Variants in EDA observed in about 807,000 individuals in gnomAD.
EDA encodes the protein ectodysplasin-A.
A neutral mutation model predicts 23.6 loss-of-function variants in EDA; 2 were observed. The ratio of observed to expected loss-of-function variants is 0.08; its 90% CI spans 0.03 to 0.27. The LOEUF (loss-of-function observed/expected upper bound fraction) is 0.27. Ranked by LOEUF, EDA falls within the 10% of genes least tolerant of loss-of-function variation. The pLI, the probability that EDA is intolerant of heterozygous loss-of-function variation, is 1.00. For synonymous variants in EDA, 131 were observed against 132.0 expected (o/e 0.99, Z 0.05); for missense variants, 229 against 324.2 (o/e 0.71, Z 2.26).
At chrX:69,696,823 G>C (rs1488780610) in intron 1 of EDA, among the ~76,000 whole-genome samples, 1 of 112,309 alleles carries the variant, frequency 8.9e-6, no homozygotes, top group African/African-American at 3.2e-5. Context: ...TACCTATACT[G>C]TTTGAAAACA....
chrX:69,871,059 T>G (rs1428673211), intron 1 of EDA, among the ~76,000 whole-genome samples: 2 of 111,840 alleles, frequency 1.8e-5, no homozygotes, highest in Non-Finnish European at 1.9e-5. Flanking sequence ...ATTGAGCTCC[T>G]TGCCTCTCAT....
intron 2 of EDA, among the ~76,000 whole-genome samples, chrX:70,018,060 T>C (rs931993368): frequency 9.0e-6 from 1 of 110,920 alleles, no homozygotes; most frequent in Non-Finnish European, 1.9e-5. Context: ...ACCAGCAACA[T>C]CCAAGCTGAG....
chrX:69,799,457 C>A (rs1316755688), intron 1 of EDA, among the ~76,000 whole-genome samples: 1 of 110,630 alleles, frequency 9.0e-6, no homozygotes, highest in African/African-American at 3.3e-5. Context: ...CATTGTCAAT[C>A]TGACAATGGA....
intron 1 of EDA, among the ~76,000 whole-genome samples, chrX:69,856,254 G>GGTGGGTGTGTGT (rs1384466036): frequency 2.7e-5 from 2 of 74,952 alleles, no homozygotes; most frequent in African/African-American, 1.0e-4. Context: ...AGTATTCCAT[G>GGTGGGTGTGTGT]GTGTGTGTGT....
At chrX:69,945,765 C>T (rs1165231752) in intron 1 of EDA, among the ~76,000 whole-genome samples, 1 of 111,863 alleles carries the variant, frequency 8.9e-6, no homozygotes, top group Non-Finnish European at 1.9e-5. Flanking sequence ...TTCATGGTCA[C>T]AAGCAAGAGT....
At chrX:69,742,775 C>T (rs1367988837) in intron 1 of EDA, among the ~76,000 whole-genome samples, 1 of 110,825 alleles carries the variant, frequency 9.0e-6, no homozygotes, top group Non-Finnish European at 1.9e-5. Context: ...CTGGATAGTA[C>T]TTCTATGCAG....
chrX:70,028,163 C>G (rs764614211), intron 4 of EDA, 127 bp downstream of exon 4: 30 of 1,072,170 alleles, frequency 2.8e-5, no homozygotes, highest in Non-Finnish European at 3.4e-5. Context: ...GGATGCAGAT[C>G]TCCTAGCCCA....
At chrX:69,763,322 T>G (rs903979591) in intron 1 of EDA, among the ~76,000 whole-genome samples, 3 of 112,035 alleles carry the variant, frequency 2.7e-5, no homozygotes, top group Non-Finnish European at 5.6e-5. Context: ...CTTTTCCTTC[T>G]TTTTGCTTTT....
At chrX:69,726,186 T>C (rs1015062419) in intron 1 of EDA, among the ~76,000 whole-genome samples, 2 of 111,987 alleles carry the variant, frequency 1.8e-5, no homozygotes, top group Non-Finnish European at 3.8e-5. Context: ...TTATAAGTGG[T>C]ACAAGGCAAA....
chrX:69,761,402 ACT>A (rs2014304062), intron 1 of EDA, among the ~76,000 whole-genome samples: 1 of 111,917 alleles, frequency 8.9e-6, no homozygotes, highest in Non-Finnish European at 1.9e-5. Flanking sequence ...TTTATGAAGT[ACT>A]TTTACATACA....
chrX:69,680,138 A>G (rs1934279353), intron 1 of EDA, among the ~76,000 whole-genome samples: 1 of 106,628 alleles, frequency 9.4e-6, no homozygotes, highest in Non-Finnish European at 1.9e-5. Flanking sequence ...GTTTTGAGTG[A>G]GTTTCTGAAT....
intron 1 of EDA, among the ~76,000 whole-genome samples, chrX:69,775,540 T>A (rs1179869946): frequency 9.0e-6 from 1 of 111,651 alleles, no homozygotes; most frequent in African/African-American, 3.2e-5. Context: ...TCTGGAAATG[T>A]TCCCATATTC....
At chrX:69,826,931 A>G (rs1316050226) in intron 1 of EDA, among the ~76,000 whole-genome samples, 1 of 111,941 alleles carries the variant, frequency 8.9e-6, no homozygotes, top group Non-Finnish European at 1.9e-5. Flanking sequence ...CTTTTCTGTA[A>G]AGTATTTTAT....
chrX:69,769,607 C>G lies in EDA; in HGVS notation c.396+152903C>G, dbSNP rs144619914. Among the ~76,000 whole-genome samples, 3 of 110,559 alleles carry G rather than the reference C, an allele frequency of 2.7e-5. No individual in the cohort carries two copies. The East Asian group carries it at 8.5e-4, about 31-fold the overall frequency. On this transcript the variant is annotated intron_variant, in intron 1 of 7. Coordinates refer to ENST00000374552, the MANE Select transcript of EDA (RefSeq NM_001399.5). ...TCTTTGTTCCCTTTTTCTTCTTTTC[C>G]TGACTTCTTTTTGATTAAGTATCAT...
chrX:69,966,668 T>G (rs1239836197), intron 2 of EDA, among the ~76,000 whole-genome samples: 2 of 110,116 alleles, frequency 1.8e-5, no homozygotes, highest in Non-Finnish European at 3.8e-5. Context: ...GAGGGATAAC[T>G]CTAATATCTA....
chrX:70,014,395 C>G (rs1229634343), intron 2 of EDA, among the ~76,000 whole-genome samples: 2 of 112,781 alleles, frequency 1.8e-5, no homozygotes, highest in African/African-American at 6.4e-5. Flanking sequence ...TAGCGCAAAG[C>G]CTCAGCCCTC....
At chrX:69,694,880 A>C (rs1318012870) in intron 1 of EDA, among the ~76,000 whole-genome samples, 1 of 112,420 alleles carries the variant, frequency 8.9e-6, no homozygotes, top group African/African-American at 3.2e-5. Context: ...ATATTGAATA[A>C]GCCCAGTTAG....
At chrX:69,976,563 A>G (rs1478971587) in intron 2 of EDA, among the ~76,000 whole-genome samples, 15 of 112,343 alleles carry the variant, frequency 1.3e-4, no homozygotes, top group Non-Finnish European at 3.8e-5. Flanking sequence ...CAGAGACCCA[A>G]TGGGATATTG....
At chrX:69,813,328 A>G (rs947851634) in intron 1 of EDA, among the ~76,000 whole-genome samples, 2 of 110,931 alleles carry the variant, frequency 1.8e-5, no homozygotes, top group Admixed American at 9.7e-5. Flanking sequence ...TGTACATTCT[A>G]TTCCTCTGAT....
Sources: allele counts gnomAD v4.1 joint callset (sites outside exome capture counted in the v4.1 genomes callset), GRCh38; gene constraint gnomAD v4.1.1; transcripts MANE v1.5; gene names NCBI Gene and HGNC (gene_info 2026-07-23, HGNC 2026-07-21).